FAM135B: variants seen among roughly 807,000 people sequenced by gnomAD.
The protein encoded by FAM135B is family with sequence similarity 135 member B.
In FAM135B, 43 loss-of-function variants were observed where a neutral mutation model predicts 127.7. The observed-to-expected ratio is 0.34, with a 90% confidence interval of 0.26 to 0.43. The LOEUF is 0.43. Ranked by LOEUF, FAM135B falls within the 20% of genes least tolerant of loss-of-function variation. The probability of loss-of-function intolerance (pLI) is 1.00; values close to 1 mark genes in which losing one functional copy is unlikely to be tolerated. For synonymous variants in FAM135B, 670 were observed against 665.1 expected (o/e 1.01, Z -0.11); for missense variants, 1,558 against 1,725.6 (o/e 0.90, Z 1.72).
chr8:138,300,371 G>A lies in FAM135B; in HGVS notation c.157+10470C>T, dbSNP rs538304120. 1.1e-4 allele frequency among the ~76,000 whole-genome samples: 17 copies of A among 152,176 alleles called. No individual in the cohort carries two copies. In the East Asian group the frequency reaches 2.7e-3, roughly 24 times the overall value. The stretch of plus-strand genomic sequence containing the variant: ...TGGAGACTGCCCTCCTGCCGTTTAT[G>A]GCAACCAGTATTCCATTTGCCTAAC... On this transcript the variant is annotated intron_variant, in intron 3 of 19. Coordinates refer to ENST00000395297, the MANE Select transcript of FAM135B (RefSeq NM_015912.4).
At chr8:138,477,430 G>C (rs11984496) in intron 1 of FAM135B, 179 of 152,108 alleles carry the variant, frequency 1.2e-3, no homozygotes, top group African/African-American at 4.1e-3. Context: ...CCTTCCTTTG[G>C]CTCCCAAATC....
rs1259068081 is a variant in FAM135B at position 138,497,243 on chromosome 8, G to A, written c.-592C>T. On this transcript the variant is annotated 5_prime_UTR_variant, in exon 1 of 20. Transcript: ENST00000395297. Reference sequence around the variant, plus strand: ...GCTCCGCAGCCGCTGCGCACCGCGTGGGTAGACGCTGCGCGACTGGCTGGC... The same window carrying A: ...GCTCCGCAGCCGCTGCGCACCGCGTAGGTAGACGCTGCGCGACTGGCTGGC... Among the ~76,000 whole-genome samples, 5 of 150,584 alleles carry A rather than the reference G, an allele frequency of 3.3e-5. No individual in the cohort carries two copies. The highest frequency in any genetic ancestry group is 7.4e-5 in the Non-Finnish European group (5 of 67,530).
chr8:138,185,118 G>A (rs867136476), intron 9 of FAM135B, among the ~76,000 whole-genome samples: 3 of 152,270 alleles, frequency 2.0e-5, no homozygotes, highest in African/African-American at 7.2e-5. Context: ...GAAAGGAGAG[G>A]TAACAGTGAC....
chr8:138,318,955 G>A (rs961785201), intron 2 of FAM135B, among the ~76,000 whole-genome samples: 2 of 152,130 alleles, frequency 1.3e-5, no homozygotes, highest in African/African-American at 4.8e-5. Context: ...TATATGATGT[G>A]CAAGATACTG....
intron 12 of FAM135B, among the ~76,000 whole-genome samples, chr8:138,159,632 A>G (rs929730851): frequency 6.6e-6 from 1 of 151,782 alleles, no homozygotes; most frequent in Non-Finnish European, 1.5e-5. Context: ...GAGGGATAGC[A>G]TTAGGCAATA....
chr8:138,291,053 G>A (rs1468113154), intron 3 of FAM135B, among the ~76,000 whole-genome samples: 2 of 152,066 alleles, frequency 1.3e-5, no homozygotes, highest in Non-Finnish European at 2.9e-5. Flanking sequence ...CCATACCCTG[G>A]CGTATGTTCT....
chr8:138,201,715 A>C (rs1410650992), intron 7 of FAM135B, among the ~76,000 whole-genome samples: 2 of 152,108 alleles, frequency 1.3e-5, no homozygotes, highest in Non-Finnish European at 2.9e-5. Context: ...CTGAAATGAA[A>C]CCCCTAAATA....
At position 138,388,066 on chromosome 8, in the gene FAM135B, G is replaced by A. The variant is rs145484659; in HGVS notation, c.-19-20064C>T. Among the ~76,000 whole-genome samples, 590 of 152,174 alleles carry A rather than the reference G, an allele frequency of 3.9e-3. 9 individuals carry two copies. Among genetic ancestry groups the A allele is most frequent in the Admixed American group, 0.023 (349 of 15,288 alleles). On this transcript the variant is annotated intron_variant, in intron 1 of 19. Transcript: ENST00000395297. ...AATTAAAACCACAATGAGATACCCC[G>A]ATTAAAAAGTGGGCCGAGACCTTAA... is the stretch of plus-strand genomic sequence containing the variant.
intron 1 of FAM135B, among the ~76,000 whole-genome samples, chr8:138,397,450 G>A (rs886547108): frequency 6.6e-6 from 1 of 152,144 alleles, no homozygotes; most frequent in African/African-American, 2.4e-5. Flanking sequence ...TCGTGAATGC[G>A]TTAAATGCCA....
At chr8:138,445,997 T>C (rs566629948) in intron 1 of FAM135B, among the ~76,000 whole-genome samples, 25 of 152,252 alleles carry the variant, frequency 1.6e-4, no homozygotes, top group African/African-American at 5.3e-4. Flanking sequence ...ACAAGCATTC[T>C]TATACACCAA....
At chr8:138,186,405 A>G (rs1180009868) in intron 9 of FAM135B, among the ~76,000 whole-genome samples, 1 of 152,096 alleles carries the variant, frequency 6.6e-6, no homozygotes, top group African/African-American at 2.4e-5. Context: ...TATGTCTTCA[A>G]ATTGCTTTAA....
intron 2 of FAM135B, among the ~76,000 whole-genome samples, chr8:138,311,901 T>C (rs1826710873): frequency 6.6e-6 from 1 of 152,160 alleles, no homozygotes; most frequent in South Asian, 2.1e-4. Flanking sequence ...CTGTGTGACT[T>C]TAAGTACATC....
chr8:138,237,437 A>G (rs1034949442), intron 7 of FAM135B, among the ~76,000 whole-genome samples: 2 of 152,160 alleles, frequency 1.3e-5, no homozygotes, highest in Non-Finnish European at 2.9e-5. Flanking sequence ...CTGGGACTAC[A>G]GGCGTGAGCC....
chr8:138,269,634 T>C lies in FAM135B; in HGVS notation c.158-3792A>G, dbSNP rs111801351. 2.3e-3 allele frequency among the ~76,000 whole-genome samples: 351 copies of C among 152,328 alleles called. 4 individuals carry two copies. The highest frequency in any genetic ancestry group is 7.9e-3 in the African/African-American group (330 of 41,580). The stretch of plus-strand genomic sequence containing the variant: ...CAAAGTCACAATGTTGGTTTTCATA[T>C]GGTTTAGAAAATGCTCCTGTAGTAA... On this transcript the variant is annotated intron_variant, in intron 3 of 19. Transcript: ENST00000395297.
At chr8:138,287,099 A>C (rs183066076) in intron 3 of FAM135B, among the ~76,000 whole-genome samples, 1 of 152,370 alleles carries the variant, frequency 6.6e-6, no homozygotes, top group Non-Finnish European at 1.5e-5. Flanking sequence ...TGCCTAAAAC[A>C]AACTTAAAAG....
chr8:138,351,192 A>T (rs1319943416), intron 2 of FAM135B, among the ~76,000 whole-genome samples: 1 of 152,144 alleles, frequency 6.6e-6, no homozygotes, highest in African/African-American at 2.4e-5. Context: ...CCCTTCAAAG[A>T]GATATGCTCA....
At chr8:138,197,442 G>T in intron 8 of FAM135B, 74 bp downstream of exon 8, 1 of 1,540,280 alleles carries the variant, frequency 6.5e-7, no homozygotes, top group Non-Finnish European at 8.8e-7. Flanking sequence ...AAGCATGCCA[G>T]CTTTTCCCCA....
intron 2 of FAM135B, among the ~76,000 whole-genome samples, chr8:138,338,808 C>T (rs2131042399): frequency 1.3e-5 from 2 of 152,278 alleles, no homozygotes; most frequent in Admixed American, 1.3e-4. Flanking sequence ...GACACATGCA[C>T]ATCTATGTTT....
At chr8:138,246,803 A>G (rs1586876614) in intron 6 of FAM135B, among the ~76,000 whole-genome samples, 1 of 152,194 alleles carries the variant, frequency 6.6e-6, no homozygotes, top group East Asian at 1.9e-4. Context: ...AGCCACACTC[A>G]ACATCAGCCC....
Sources: gnomAD v4.1 joint callset for allele counts (sites outside exome capture counted in the v4.1 genomes callset) on GRCh38, gnomAD v4.1.1 for gene constraint, MANE v1.5 for transcripts, NCBI Gene and HGNC (gene_info 2026-07-23, HGNC 2026-07-21) for gene names.